Variants in OSGIN2 observed in about 807,000 individuals in gnomAD.
OSGIN2 encodes the protein oxidative stress-induced growth inhibitor 2.
Under a neutral mutation model 53.8 loss-of-function variants are expected in OSGIN2, and 19 were observed. That is an observed-to-expected ratio of 0.35 (90% CI 0.25 to 0.52). The LOEUF is 0.52. Ranked by LOEUF, OSGIN2 falls within the 20% of genes least tolerant of loss-of-function variation. OSGIN2 has a pLI of 0.95. For synonymous variants in OSGIN2, 236 were observed against 236.0 expected (o/e 1.00, Z 0.00); for missense variants, 520 against 662.7 (o/e 0.78, Z 2.36).
rs573126883 is a variant in OSGIN2 at position 89,918,247 on chromosome 8, T to C, written c.529-2833T>C. ...TTCTCTGAATCTTCAGTCTCCTTGT[T>C]TTTCTTCCTGTTTGGTCACTCCTTT... On this transcript the variant is annotated intron_variant, in intron 4 of 5. Coordinates refer to ENST00000451899, the MANE Select transcript of OSGIN2 (RefSeq NM_001126111.3). 2.0e-5 allele frequency among the ~76,000 whole-genome samples: 3 copies of C among 152,326 alleles called. No individual in the cohort carries two copies. The South Asian group carries it at 6.2e-4, about 32-fold the overall frequency.
chr8:89,923,180 TTTC>T (rs1231236783), intron 5 of OSGIN2, among the ~76,000 whole-genome samples: 2 of 152,162 alleles, frequency 1.3e-5, no homozygotes, highest in Non-Finnish European at 2.9e-5. Context: ...GTACACTGAA[TTTC>T]TTTTTAAAAA....
At chr8:89,909,457 A>T in intron 1 of OSGIN2, 110 bp from the exon 2 acceptor site, 1 of 591,184 alleles carries the variant, frequency 1.7e-6, no homozygotes, top group Non-Finnish European at 2.6e-6. Context: ...TGCTTCTTTT[A>T]TGGAATGATT....
chr8:89,909,693 G>C lies in OSGIN2; in HGVS notation c.171G>C (p.Ser57=), dbSNP rs770935128. The C allele has an allele frequency of 2.5e-6, 4 of 1,608,044 alleles. No homozygotes were observed. The highest frequency in any genetic ancestry group is 3.4e-6 in the Non-Finnish European group (4 of 1,176,328). ...AAGAAACTTCTTTACTGGAAGATTC[G>C]TCAGTGACTTTTCCTGTGGTAATAA... The part of the protein sequence containing the change: ...LVEETSLLED[S]SVTFPVVIIG... Residue 57 remains serine (S), a synonymous_variant, in exon 2 of 6, where the codon TCG becomes TCC. Transcript: ENST00000451899.
At chr8:89,910,813 A>G (rs529348874) in intron 2 of OSGIN2, among the ~76,000 whole-genome samples, 5 of 152,324 alleles carry the variant, frequency 3.3e-5, no homozygotes, top group African/African-American at 1.2e-4. Context: ...AAAGCAGCCT[A>G]TCCCTGTTTT....
intron 5 of OSGIN2, among the ~76,000 whole-genome samples, chr8:89,923,884 GCA>G (rs932797803): frequency 1.7e-4 from 25 of 143,306 alleles, no homozygotes; most frequent in African/African-American, 7.5e-4. Context: ...ACAGACTAAT[GCA>G]AGTTTTTCAT....
In OSGIN2 at chr8:89,926,327, T is replaced by C. The variant is rs1253929147; in HGVS notation, c.*795T>C. Reference sequence around the variant, plus strand: ...CTCACCAAGATGTTTTTCAGAGATTTATTCTCGATTTAACTATCATAGCAT... The same window carrying C: ...CTCACCAAGATGTTTTTCAGAGATTCATTCTCGATTTAACTATCATAGCAT... On this transcript the variant is annotated 3_prime_UTR_variant, in exon 6 of 6. Transcript: ENST00000451899. 2 of 152,642 alleles carry C rather than the reference T, an allele frequency of 1.3e-5. No homozygotes were observed. The highest frequency in any genetic ancestry group is 6.5e-5 in the Admixed American group (1 of 15,280). The allele number at this position is 152,642 out of a possible 1,614,324, so 9.5% of individuals were successfully genotyped here.
chr8:89,926,050 C>T lies in OSGIN2; in HGVS notation c.*518C>T, dbSNP rs538067336. On this transcript the variant is annotated 3_prime_UTR_variant, in exon 6 of 6. Coordinates refer to ENST00000451899, the MANE Select transcript of OSGIN2 (RefSeq NM_001126111.3). ...AAGATCCCCAAGGGATATGTATGCTCATAAAAATTTGAGACACTGGTTTAA... is the reference window on the plus strand; with the variant it reads ...AAGATCCCCAAGGGATATGTATGCTTATAAAAATTTGAGACACTGGTTTAA... 2.6e-5 allele frequency: 4 copies of T among 153,456 alleles called. No homozygotes were observed. Among genetic ancestry groups the T allele is most frequent in the Non-Finnish European group, 5.8e-5 (4 of 68,906 alleles). The allele number at this position is 153,456 out of a possible 1,614,324, so 9.5% of individuals were successfully genotyped here.
Position 89,924,796 on chromosome 8 carries a change from C to T in OSGIN2, c.914C>T (p.Ala305Val), listed in dbSNP as rs765898261. 3.1e-6 allele frequency: 5 copies of T among 1,614,034 alleles called. No individual in the cohort carries two copies. In the African/African-American group the frequency reaches 6.7e-5, roughly 22 times the overall value. ...FCLFAENVAL[A>V]TGTLDSPAHL... ...CTCTTTGCTGAGAATGTAGCGCTGG[C>T]AACTGGAACGCTGGATTCTCCTGCC... Residue 305 changes from alanine to valine, a missense_variant, in exon 6 of 6, where the codon GCA becomes GTA. Physicochemically the swap from Ala to Val is moderately conservative, Grantham distance 64 (BLOSUM62 0). Transcript: ENST00000451899.
chr8:89,903,963 TAAG>T (rs1394658247), intron 1 of OSGIN2, among the ~76,000 whole-genome samples: 2 of 152,210 alleles, frequency 1.3e-5, no homozygotes, highest in Non-Finnish European at 2.9e-5. Context: ...GAGAAGAGGT[TAAG>T]AAGCGTCATC....
Position 89,912,761 on chromosome 8 carries a change from C to T in OSGIN2, c.200-1316C>T, listed in dbSNP as rs115144507. 4.8e-3 allele frequency among the ~76,000 whole-genome samples: 720 copies of T among 151,426 alleles called. 8 individuals carry two copies. Among genetic ancestry groups the T allele is most frequent in the African/African-American group, 0.016 (651 of 41,334 alleles). ...CTCTGTCTGAAAAAAAAAAACACAA[C>T]GAAAAAAACAAAACTCCTGATCCCT... On this transcript the variant is annotated intron_variant, in intron 2 of 5. Coordinates refer to ENST00000451899, the MANE Select transcript of OSGIN2 (RefSeq NM_001126111.3).
intron 1 of OSGIN2, among the ~76,000 whole-genome samples, chr8:89,906,899 A>G (rs1292736592): frequency 1.3e-5 from 2 of 152,160 alleles, no homozygotes; most frequent in South Asian, 2.1e-4. Flanking sequence ...CCCAACATAT[A>G]AGCATTCCCT....
intron 5 of OSGIN2, 76 bp from the exon 6 acceptor site, chr8:89,924,427 T>TA (rs1809271248): frequency 2.9e-6 from 3 of 1,048,972 alleles, no homozygotes; most frequent in Middle Eastern, 3.0e-4. Context: ...TATAAAAGCT[T>TA]ACTAGGTAGA....
At position 89,904,058 on chromosome 8, in the gene OSGIN2, CAG is replaced by C. The variant is rs1808786785; in HGVS notation, c.44+1222_44+1223del. On this transcript the variant is annotated intron_variant, in intron 1 of 5. Transcript: ENST00000451899. ...GATAATCCAAGCTTGTCTAACCTCT[CAG>C]TGAGTTTAGAATGAGTCTCTAGGTT... Among the ~76,000 whole-genome samples, 5 of 152,290 alleles carry C rather than the reference CAG, an allele frequency of 3.3e-5. 1 individual carries two copies. In the South Asian group the frequency reaches 1.0e-3, roughly 32 times the overall value.
chr8:89,910,503 G>A (rs1586000479), intron 2 of OSGIN2, among the ~76,000 whole-genome samples: 2 of 152,136 alleles, frequency 1.3e-5, no homozygotes, highest in African/African-American at 2.4e-5. Context: ...TAGTAGGAAG[G>A]GGAGAAAATT....
chr8:89,914,449 T>G, intron 3 of OSGIN2, 106 bp from the exon 4 acceptor site: 1 of 823,540 alleles, frequency 1.2e-6, no homozygotes, highest in East Asian at 2.5e-5. Flanking sequence ...TGTGGTCAAG[T>G]TGGGGGTACT....
chr8:89,903,744 G>A (rs538342860), intron 1 of OSGIN2, among the ~76,000 whole-genome samples: 7 of 152,304 alleles, frequency 4.6e-5, no homozygotes, highest in Admixed American at 1.3e-4. Flanking sequence ...ATCTGTGACT[G>A]TCATCAGTAG....
In OSGIN2 at chr8:89,925,085, T is replaced by C. The variant is rs141668381; in HGVS notation, c.1203T>C (p.Tyr401=). 1 of 1,612,352 alleles carries C rather than the reference T, an allele frequency of 6.2e-7. No individual in the cohort carries two copies. The highest frequency in any genetic ancestry group is 8.5e-7 in the Non-Finnish European group (1 of 1,178,422). The change falls in exon 6 of 6, where the codon TAT becomes TAC. Residue 401 remains tyrosine, a synonymous_variant. Coordinates refer to ENST00000451899, the MANE Select transcript of OSGIN2 (RefSeq NM_001126111.3). ...KKLYPEYHKV[Y]HMMCTQSYSV... ...TGTATCCTGAATATCATAAAGTCTA[T>C]CATATGATGTGTACTCAGTCATATT...
At chr8:89,910,095 TACAG>T (rs33992518) in intron 2 of OSGIN2, among the ~76,000 whole-genome samples, 14,184 of 152,084 alleles carry the variant, frequency 0.093, 2,074 homozygotes, top group African/African-American at 0.32. Flanking sequence ...GTAGGGCGGA[TACAG>T]ACAGAGAAAC....
At position 89,924,992 on chromosome 8, in the gene OSGIN2, TG is replaced by T; in HGVS notation, c.1111del (p.Val371Ter). On this transcript the variant is annotated frameshift_variant, in exon 6 of 6. Transcript: ENST00000451899. LOFTEE classifies it high-confidence loss of function. Reference protein sequence around the residue: ...VLCAYNSNIPVIHVFRRRVTD... With the variant: ...VLCAYNSNIPXIHVFRRRVTD... ...TGTGTGCTTACAACAGTAATATCCC[TG>T]TGATTCATGTGTTTCGCAGACGAGT... 1 of 1,614,060 alleles carries T rather than the reference TG, an allele frequency of 6.2e-7. No individual in the cohort carries two copies. Among genetic ancestry groups the T allele is most frequent in the Non-Finnish European group, 8.5e-7 (1 of 1,179,910 alleles).
Sources: gnomAD v4.1 joint callset for allele counts (sites outside exome capture counted in the v4.1 genomes callset) on GRCh38, gnomAD v4.1.1 for gene constraint, MANE v1.5 for transcripts, NCBI Gene and HGNC (gene_info 2026-07-23, HGNC 2026-07-21) for gene names.